MIPOL1: variants seen among roughly 807,000 people sequenced by gnomAD.
The protein encoded by MIPOL1 is mirror-image polydactyly gene 1 protein.
In MIPOL1, 57 loss-of-function variants were observed where a neutral mutation model predicts 60.9. That is an observed-to-expected ratio of 0.94 (90% CI 0.76 to 1.17). The LOEUF is 1.17. Ranked by LOEUF, MIPOL1 falls within the 50% of genes most tolerant of loss-of-function variation. The probability of loss-of-function intolerance (pLI) is 0.00; values close to 1 mark genes in which losing one functional copy is unlikely to be tolerated. For synonymous variants in MIPOL1, 179 were observed against 168.8 expected (o/e 1.06, Z -0.47); for missense variants, 551 against 511.6 (o/e 1.08, Z -0.74).
intron 10 of MIPOL1, among the ~76,000 whole-genome samples, chr14:37,378,163 A>G (rs1179414258): frequency 6.6e-6 from 1 of 152,126 alleles, no homozygotes; most frequent in Non-Finnish European, 1.5e-5. Flanking sequence ...TACTTACCAT[A>G]TAACCCAGCT....
At chr14:37,382,292 A>G (rs981943303) in intron 10 of MIPOL1, among the ~76,000 whole-genome samples, 3 of 152,044 alleles carry the variant, frequency 2.0e-5, no homozygotes, top group Admixed American at 6.6e-5. Context: ...TGGTTGTTTG[A>G]AATACTATGA....
chr14:37,264,161 C>A (rs1275772298), intron 3 of MIPOL1, among the ~76,000 whole-genome samples: 1 of 152,114 alleles, frequency 6.6e-6, no homozygotes, highest in Non-Finnish European at 1.5e-5. Context: ...TTACTAACTG[C>A]TTTCATCTTC....
At chr14:37,307,443 C>A (rs2086880801) in intron 7 of MIPOL1, among the ~76,000 whole-genome samples, 1 of 151,898 alleles carries the variant, frequency 6.6e-6, no homozygotes, top group Non-Finnish European at 1.5e-5. Context: ...AAATGCATTT[C>A]TGAGGGGAGC....
At chr14:37,412,223 A>G (rs2093691783) in intron 10 of MIPOL1, among the ~76,000 whole-genome samples, 1 of 152,190 alleles carries the variant, frequency 6.6e-6, no homozygotes, top group African/African-American at 2.4e-5. Context: ...GTGACATAAT[A>G]TGTAATACTA....
chr14:37,320,346 G>A (rs1356335889), intron 9 of MIPOL1, among the ~76,000 whole-genome samples: 1 of 151,938 alleles, frequency 6.6e-6, no homozygotes, highest in Non-Finnish European at 1.5e-5. Flanking sequence ...CATTCTGATG[G>A]GTGTATAGTC....
chr14:37,462,923 A>G (rs575907114), intron 11 of MIPOL1, among the ~76,000 whole-genome samples: 1 of 152,114 alleles, frequency 6.6e-6, no homozygotes, highest in African/African-American at 2.4e-5. Context: ...TGAGCCCTCC[A>G]AACTGTTCCA....
At chr14:37,453,977 C>T (rs763531542) in intron 11 of MIPOL1, among the ~76,000 whole-genome samples, 3 of 152,002 alleles carry the variant, frequency 2.0e-5, no homozygotes, top group Admixed American at 1.3e-4. Context: ...TCCATGTGTG[C>T]GATTTAAATA....
At chr14:37,218,115 C>G (rs909938671) in intron 1 of MIPOL1, among the ~76,000 whole-genome samples, 1 of 151,696 alleles carries the variant, frequency 6.6e-6, no homozygotes, top group Non-Finnish European at 1.5e-5. Context: ...TTTCTAGTTT[C>G]TTTCTTTTCT....
At chr14:37,520,065 T>C (rs12147950) in intron 12 of MIPOL1, among the ~76,000 whole-genome samples, 77,432 of 151,974 alleles carry the variant, frequency 0.51, 20,238 homozygotes, top group Non-Finnish European at 0.57. Flanking sequence ...GATCTAAATA[T>C]GAGAATATAT....
At chr14:37,253,364 T>G (rs938059269) in intron 3 of MIPOL1, among the ~76,000 whole-genome samples, 1 of 151,758 alleles carries the variant, frequency 6.6e-6, no homozygotes, top group Non-Finnish European at 1.5e-5. Flanking sequence ...ATAATCTATT[T>G]AGGACCATTG....
chr14:37,486,238 G>A (rs2094943815), intron 11 of MIPOL1, among the ~76,000 whole-genome samples: 1 of 152,066 alleles, frequency 6.6e-6, no homozygotes, highest in African/African-American at 2.4e-5. Flanking sequence ...GGTTACTATA[G>A]CCTTGTAGTA....
chr14:37,208,635 C>A (rs1330485843), intron 1 of MIPOL1, among the ~76,000 whole-genome samples: 1 of 152,084 alleles, frequency 6.6e-6, no homozygotes, highest in Non-Finnish European at 1.5e-5. Flanking sequence ...ACTATGTCAC[C>A]CAGGCTACAG....
At chr14:37,211,195 C>T (rs1300314486) in intron 1 of MIPOL1, among the ~76,000 whole-genome samples, 1 of 143,980 alleles carries the variant, frequency 6.9e-6, no homozygotes, top group African/African-American at 2.5e-5. Flanking sequence ...CACCCCCCCA[C>T]CCCCCAGACA....
intron 12 of MIPOL1, among the ~76,000 whole-genome samples, chr14:37,521,298 A>G (rs2095411667): frequency 1.3e-5 from 2 of 152,160 alleles, no homozygotes; most frequent in South Asian, 4.1e-4. Flanking sequence ...CACAAATAGC[A>G]CATTGTGGGT....
At chr14:37,322,534 A>AT (rs1194920602) in intron 9 of MIPOL1, among the ~76,000 whole-genome samples, 3 of 151,620 alleles carry the variant, frequency 2.0e-5, no homozygotes, top group East Asian at 1.9e-4. Context: ...GCTCAGGAGG[A>AT]TTTTTTTTAA....
At chr14:37,281,624 C>T (rs372208737) in intron 6 of MIPOL1, among the ~76,000 whole-genome samples, 2 of 152,004 alleles carry the variant, frequency 1.3e-5, no homozygotes, top group Non-Finnish European at 2.9e-5. Context: ...AGGCTGGTCT[C>T]GAACTCTTGA....
At chr14:37,293,350 G>A (rs1305630879) in intron 7 of MIPOL1, among the ~76,000 whole-genome samples, 1 of 152,102 alleles carries the variant, frequency 6.6e-6, no homozygotes, top group Non-Finnish European at 1.5e-5. Context: ...GGCTGAATAG[G>A]AACAGCTCCA....
chr14:37,234,042 A>G (rs1366734556), intron 1 of MIPOL1, among the ~76,000 whole-genome samples: 1 of 152,230 alleles, frequency 6.6e-6, no homozygotes, highest in Non-Finnish European at 1.5e-5. Context: ...GAAATGCTTC[A>G]GGATCTTGAT....
At chr14:37,493,534 C>T (rs966917070) in intron 11 of MIPOL1, among the ~76,000 whole-genome samples, 6 of 152,112 alleles carry the variant, frequency 3.9e-5, no homozygotes, top group African/African-American at 9.7e-5. Flanking sequence ...CCTTGGCCTG[C>T]CATTGGACTC....
Sources: allele counts gnomAD v4.1 joint callset (sites outside exome capture counted in the v4.1 genomes callset), GRCh38; gene constraint gnomAD v4.1.1; transcripts MANE v1.5; gene names NCBI Gene and HGNC (gene_info 2026-07-23, HGNC 2026-07-21).